PCDHGA12: variants seen among roughly 807,000 people sequenced by gnomAD.
PCDHGA12 encodes protocadherin gamma subfamily A, 12, also known as protocadherin gamma-A12.
A neutral mutation model predicts 61.1 loss-of-function variants in PCDHGA12; 43 were observed. The observed-to-expected ratio is 0.70, with a 90% CI of 0.55 to 0.91. The LOEUF is 0.91. Among genes scored for constraint, PCDHGA12 ranks in the 40% least tolerant of loss-of-function variants. The probability of loss-of-function intolerance (pLI) is 0.00; values close to 1 mark genes in which losing one functional copy is unlikely to be tolerated. For synonymous variants in PCDHGA12, 520 were observed against 542.9 expected (o/e 0.96, Z 0.59); for missense variants, 1,236 against 1,227.7 (o/e 1.01, Z -0.10).
intron 1 of PCDHGA12, among the ~76,000 whole-genome samples, chr5:141,450,976 C>T (rs2098702750): frequency 6.6e-6 from 1 of 152,032 alleles, no homozygotes; most frequent in Admixed American, 6.6e-5. Flanking sequence ...AGGCATGTGC[C>T]ACCACACCCG....
In PCDHGA12 at chr5:141,491,443, G is replaced by C. The variant is rs955584868; in HGVS notation, c.2425-3364G>C. On this transcript the variant is annotated intron_variant, in intron 1 of 3. Transcript: ENST00000252085. This position sits in a 1 kb window ranked among gnomAD's most constrained non-coding sequence, Gnocchi z 6.9. ...TGGAGGGCAGTGCTGCAGGCGCCAG[G>C]ACTCACCCTCCCCGGACTTCTATAA... 1 of 1,613,998 alleles carries C rather than the reference G, an allele frequency of 6.2e-7. No homozygotes were observed. Among genetic ancestry groups the C allele is most frequent in the Admixed American group, 1.7e-5 (1 of 60,000 alleles).
Position 141,432,647 on chromosome 5 carries a change from C to G in PCDHGA12, c.1888C>G (p.Arg630Gly), listed in dbSNP as rs747789886. The G allele has an allele frequency of 1.7e-5, 28 of 1,613,678 alleles. No individual in the cohort carries two copies. In the Admixed American group the frequency reaches 4.5e-4, roughly 26 times the overall value. ...GLHTGEVRTARALLDRDALKQ... is the reference protein window; with the variant it reads ...GLHTGEVRTAGALLDRDALKQ... ...GCACACGGGCGAGGTGCGCACGGCG[C>G]GAGCCCTGCTGGACAGAGACGCGCT... The change falls in exon 1 of 4, where the codon CGA becomes GGA. Residue 630 changes from arginine to glycine, a missense_variant. Coordinates refer to ENST00000252085, the MANE Select transcript of PCDHGA12 (RefSeq NM_003735.3). This position sits in a 1 kb window ranked among gnomAD's most constrained non-coding sequence, Gnocchi z 6.0.
In PCDHGA12 at chr5:141,460,961, A is replaced by ATATGTGTGTG. The variant is rs1463306338; in HGVS notation, c.2424+27779_2424+27780insATGTGTGTGT. On this transcript the variant is annotated intron_variant, in intron 1 of 3. Coordinates refer to ENST00000252085, the MANE Select transcript of PCDHGA12 (RefSeq NM_003735.3). ...ATATATATGTATTATGTATATATAT[A>ATATGTGTGTG]TGTGTGTGTGTGTGTGTGTGTGTAT... Among the ~76,000 whole-genome samples the ATATGTGTGTG allele has an allele frequency of 1.3e-3, 194 of 144,616 alleles. 1 individual carries two copies. The highest frequency in any genetic ancestry group is 4.7e-3 in the African/African-American group (182 of 38,716). 94.9% of individuals were successfully genotyped at this position (144,616 alleles called of 152,430 possible). A position where few individuals can be genotyped will look rare whatever the true frequency, so the allele number is the denominator to read the frequency against.
Position 141,486,445 on chromosome 5 carries a change from G to A in PCDHGA12, c.2425-8362G>A. On this transcript the variant is annotated intron_variant, in intron 1 of 3. Coordinates refer to ENST00000252085, the MANE Select transcript of PCDHGA12 (RefSeq NM_003735.3). The surrounding 1 kb of genome is among the most constrained non-coding windows in gnomAD (Gnocchi z 5.0). ...AGGCCAAATCTAGCTATGACATCAT[G>A]GTCACTGCTTCTGATGCTGGGAACC... 6.2e-7 allele frequency: 1 copy of A among 1,613,948 alleles called. No homozygotes were observed. The highest frequency in any genetic ancestry group is 8.5e-7 in the Non-Finnish European group (1 of 1,179,862).
chr5:141,464,823 C>T (rs890811354), intron 1 of PCDHGA12, among the ~76,000 whole-genome samples: 5 of 151,986 alleles, frequency 3.3e-5, no homozygotes, highest in African/African-American at 1.2e-4. Flanking sequence ...ACTGTAGCCT[C>T]GCACTCCTGG....
Position 141,430,673 on chromosome 5 carries a change from C to A in PCDHGA12, c.-87C>A. 1 of 1,288,318 alleles carries A rather than the reference C, an allele frequency of 7.8e-7. No homozygotes were observed. Among genetic ancestry groups the A allele is most frequent in the Non-Finnish European group, 1.0e-6 (1 of 958,598 alleles). The allele number at this position is 1,288,318 out of a possible 1,614,324, so 79.8% of individuals were successfully genotyped here. A position where few individuals can be genotyped will look rare whatever the true frequency, so the allele number is the denominator to read the frequency against. On this transcript the variant is annotated 5_prime_UTR_variant, in exon 1 of 4. Transcript: ENST00000252085. ...AAACAACGGAGGAGCTCTGACTTCCCAACTGTCCCATTCTATGGGCGAAGG... is the reference window on the plus strand; with the variant it reads ...AAACAACGGAGGAGCTCTGACTTCCAAACTGTCCCATTCTATGGGCGAAGG...
At chr5:141,483,801 C>CT (rs1486591615) in intron 1 of PCDHGA12, among the ~76,000 whole-genome samples, 8 of 152,168 alleles carry the variant, frequency 5.3e-5, no homozygotes, top group Non-Finnish European at 8.8e-5. Flanking sequence ...GTTGTTGCTG[C>CT]TTTTTTTGGC....
At chr5:141,506,563 C>T (rs925780739) in intron 3 of PCDHGA12, among the ~76,000 whole-genome samples, 2 of 152,062 alleles carry the variant, frequency 1.3e-5, no homozygotes, top group Non-Finnish European at 2.9e-5. Context: ...TAAACCCCCT[C>T]GGTTTCACTT....
chr5:141,483,589 G>A (rs189449393), intron 1 of PCDHGA12, among the ~76,000 whole-genome samples: 17 of 152,214 alleles, frequency 1.1e-4, no homozygotes, highest in Admixed American at 1.1e-3. Context: ...ACACCTAATA[G>A]GTCAGGCTGG....
At position 141,431,056 on chromosome 5, in the gene PCDHGA12, C is replaced by T; in HGVS notation, c.297C>T (p.Ala99=). ...ACCGGGAGGAGCTCTGTATGGGGGC[C>T]ATCAAGTGTCAATTAAATCTAGACA... ...RIDREELCMG[A]IKCQLNLDIL... The change falls in exon 1 of 4, where the codon GCC becomes GCT. Residue 99 remains alanine, a synonymous_variant. Transcript: ENST00000252085. The surrounding 1 kb of genome is among the most constrained non-coding windows in gnomAD (Gnocchi z 4.8). 1 of 1,614,126 alleles carries T rather than the reference C, an allele frequency of 6.2e-7. No homozygotes were observed. The highest frequency in any genetic ancestry group is 8.5e-7 in the Non-Finnish European group (1 of 1,180,000).
In PCDHGA12 at chr5:141,431,584, G is replaced by C. The variant is rs201462681; in HGVS notation, c.825G>C (p.Ala275=). 5.0e-6 allele frequency: 8 copies of C among 1,614,192 alleles called. No individual in the cohort carries two copies. The Admixed American group carries it at 1.3e-4, about 27-fold the overall frequency. ...CCGACCCTGACGAAGGAGTCAATGC[G>C]GAAGTGAGGTATTCCTTCCGGTATG... The part of the protein sequence containing the change: ...NATDPDEGVN[A]EVRYSFRYVD... The change falls in exon 1 of 4, where the codon GCG becomes GCC. Residue 275 remains alanine, a synonymous_variant. Transcript: ENST00000252085. This position sits in a 1 kb window ranked among gnomAD's most constrained non-coding sequence, Gnocchi z 4.8.
At chr5:141,467,393 T>C (rs1409255781) in intron 1 of PCDHGA12, among the ~76,000 whole-genome samples, 3 of 152,124 alleles carry the variant, frequency 2.0e-5, no homozygotes, top group African/African-American at 7.2e-5. Flanking sequence ...TTTTAAGTCA[T>C]AGTTAGAAAG....
chr5:141,504,010 C>G (rs980812107), intron 2 of PCDHGA12, among the ~76,000 whole-genome samples: 9 of 152,204 alleles, frequency 5.9e-5, no homozygotes, highest in African/African-American at 1.2e-4. Context: ...TTAACTGTCT[C>G]TGCTGGTCTC....
chr5:141,441,370 C>A (rs1378574921), intron 1 of PCDHGA12: 1 of 152,672 alleles, frequency 6.5e-6, no homozygotes, highest in African/African-American at 2.4e-5. Flanking sequence ...GGGCCGTGGA[C>A]CAGGAACAGA....
intron 1 of PCDHGA12, among the ~76,000 whole-genome samples, chr5:141,468,963 C>G (rs951670777): frequency 1.3e-5 from 2 of 150,940 alleles, no homozygotes; most frequent in Admixed American, 6.6e-5. Context: ...TTTTTTTTAC[C>G]TTAGGCTTTT....
At chr5:141,502,552 T>C (rs1217408446) in intron 2 of PCDHGA12, among the ~76,000 whole-genome samples, 1 of 152,146 alleles carries the variant, frequency 6.6e-6, no homozygotes, top group Non-Finnish European at 1.5e-5. Context: ...AAAAACAGTG[T>C]CCCAGATCTC....
At chr5:141,484,878 G>C (rs2099602522) in intron 1 of PCDHGA12, 1 of 341,888 alleles carries the variant, frequency 2.9e-6, no homozygotes, top group Non-Finnish European at 5.3e-6. Flanking sequence ...TGGAGGATAG[G>C]GTGGGCTTTT....
At chr5:141,434,807 A>G (rs2097718601) in intron 1 of PCDHGA12, among the ~76,000 whole-genome samples, 1 of 152,016 alleles carries the variant, frequency 6.6e-6, no homozygotes, top group South Asian at 2.1e-4. Context: ...AGCTTGGAGA[A>G]ATATATCCCT....
chr5:141,435,296 T>A (rs545583818), intron 1 of PCDHGA12, among the ~76,000 whole-genome samples: 44 of 152,328 alleles, frequency 2.9e-4, no homozygotes, highest in African/African-American at 9.9e-4. Context: ...AGTCATTTCA[T>A]GGTTTTAAAT....
Sources: gnomAD v4.1 joint callset for allele counts (sites outside exome capture counted in the v4.1 genomes callset) on GRCh38, gnomAD v4.1.1 for gene constraint, Gnocchi (gnomAD v3.1) non-coding constraint, MANE v1.5 for transcripts, NCBI Gene and HGNC (gene_info 2026-07-23, HGNC 2026-07-21) for gene names.